Variants in NFATC1 observed in about 807,000 individuals in gnomAD.
NFATC1 encodes the protein nuclear factor of activated T cells 1.
In NFATC1, 22 loss-of-function variants were observed where a neutral mutation model predicts 76.0. The ratio of observed to expected loss-of-function variants is 0.29; its 90% CI spans 0.21 to 0.41. The LOEUF is 0.41. Among genes scored for constraint, NFATC1 ranks in the 10% least tolerant of loss-of-function variants. NFATC1 has a pLI of 1.00. For synonymous variants in NFATC1, 704 were observed against 613.1 expected (o/e 1.15, Z -2.19); for missense variants, 1,357 against 1,337.7 (o/e 1.01, Z -0.23).
Position 79,464,686 on chromosome 18 carries a change from A to ATATATACACACATG in NFATC1, c.1960-2758_1960-2757insCACACATGTATATA, listed in dbSNP as rs1600815774. Among the ~76,000 whole-genome samples, 86 of 111,488 alleles carry ATATATACACACATG rather than the reference A, an allele frequency of 7.7e-4. 5 individuals carry two copies. The highest frequency in any genetic ancestry group is 3.4e-3 in the African/African-American group (75 of 21,804). The allele number at this position is 111,488 out of a possible 152,430, so 73.1% of individuals were successfully genotyped here. The stretch of plus-strand genomic sequence containing the variant: ...TGTGTGTGTGTATATGTATGTGTAT[A>ATATATACACACATG]TATATATATTTATTTATTTATTTAT... On this transcript the variant is annotated intron_variant, in intron 7 of 9. Coordinates refer to ENST00000427363, the MANE Select transcript of NFATC1 (RefSeq NM_001278669.2).
intron 2 of NFATC1, among the ~76,000 whole-genome samples, chr18:79,424,608 C>CGTCTGTCTCTCTGTCTCTCT (rs2086220291): frequency 7.9e-6 from 1 of 126,540 alleles, no homozygotes; most frequent in African/African-American, 3.0e-5. Flanking sequence ...TCTGTCTCTC[C>CGTCTGTCTCTCTGTCTCTCT]GTCTGTCTCT....
At chr18:79,474,894 A>C (rs1406356684) in intron 8 of NFATC1, among the ~76,000 whole-genome samples, 1 of 136,666 alleles carries the variant, frequency 7.3e-6, no homozygotes, top group Non-Finnish European at 1.6e-5. Context: ...TCGACGTTGT[A>C]AACCTGAGGG....
intron 8 of NFATC1, among the ~76,000 whole-genome samples, chr18:79,472,107 C>T (rs1241318661): frequency 1.3e-5 from 2 of 152,146 alleles, no homozygotes; most frequent in East Asian, 1.9e-4. Flanking sequence ...CTTGGGTCCA[C>T]CCCAGCGATC....
At chr18:79,474,142 T>C (rs1475253381) in intron 8 of NFATC1, among the ~76,000 whole-genome samples, 3 of 100,592 alleles carry the variant, frequency 3.0e-5, no homozygotes, top group Non-Finnish European at 3.6e-5. Flanking sequence ...CTGTCGACGT[T>C]GTAAACCTGA....
At chr18:79,491,740 G>T (rs11877801) in intron 9 of NFATC1, among the ~76,000 whole-genome samples, 2,619 of 152,308 alleles carry the variant, frequency 0.017, 84 homozygotes, top group African/African-American at 0.06. Context: ...CCAGCCCTCT[G>T]CGAACCAAGC....
intron 9 of NFATC1, among the ~76,000 whole-genome samples, chr18:79,519,735 T>G (rs1298408756): frequency 6.6e-6 from 1 of 152,196 alleles, no homozygotes; most frequent in East Asian, 1.9e-4. Context: ...ATGTTTAAAT[T>G]TTTATTCTCA....
chr18:79,528,158 T>C lies in NFATC1; in HGVS notation c.*581T>C, dbSNP rs1569062791. On this transcript the variant is annotated 3_prime_UTR_variant, in exon 10 of 10. Coordinates refer to ENST00000427363, the MANE Select transcript of NFATC1 (RefSeq NM_001278669.2). Reference sequence around the variant, plus strand: ...CACTCCTGCTGCCTTACACAGTGCATTTTAGAATCTTCCAGTCTGTCATCT... The same window carrying C: ...CACTCCTGCTGCCTTACACAGTGCACTTTAGAATCTTCCAGTCTGTCATCT... The C allele has an allele frequency of 2.6e-6, 1 of 387,072 alleles. No homozygotes were observed. The highest frequency in any genetic ancestry group is 4.6e-6 in the Non-Finnish European group (1 of 219,402). The allele number at this position is 387,072 out of a possible 1,614,324, so 24.0% of individuals were successfully genotyped here.
chr18:79,448,509 T>C (rs73494235), intron 3 of NFATC1: 66,820 of 482,356 alleles, frequency 0.14, 5,697 homozygotes, highest in African/African-American at 0.24. Flanking sequence ...CCAGCTTCAC[T>C]GTGGCCTCAG....
intron 7 of NFATC1, among the ~76,000 whole-genome samples, chr18:79,466,946 C>T (rs1025254877): frequency 1.3e-5 from 2 of 152,234 alleles, no homozygotes; most frequent in African/African-American, 2.4e-5. Context: ...CCTTTGGCAT[C>T]AGAGCAGGCA....
chr18:79,453,516 C>A (rs535263360), intron 6 of NFATC1, among the ~76,000 whole-genome samples: 59 of 152,366 alleles, frequency 3.9e-4, no homozygotes, highest in African/African-American at 1.2e-3. Context: ...TTCATCATCA[C>A]TGTGAGCTGT....
At position 79,519,481 on chromosome 18, in the gene NFATC1, C is replaced by T. The variant is rs2090461766; in HGVS notation, c.2783-8047C>T. On this transcript the variant is annotated intron_variant, in intron 9 of 9. Coordinates refer to ENST00000427363, the MANE Select transcript of NFATC1 (RefSeq NM_001278669.2). Reference sequence around the variant, plus strand: ...CCAAGTAGCTGGGACCACAGGTGCACACCACCATGTCTGGCTAATTTTTAC... The same window carrying T: ...CCAAGTAGCTGGGACCACAGGTGCATACCACCATGTCTGGCTAATTTTTAC... Among the ~76,000 whole-genome samples, 3 of 152,118 alleles carry T rather than the reference C, an allele frequency of 2.0e-5. No individual in the cohort carries two copies. In the South Asian group the frequency reaches 6.2e-4, roughly 32 times the overall value.
Position 79,528,165 on chromosome 18 carries a change from A to G in NFATC1, c.*588A>G, listed in dbSNP as rs1002541492. The G allele has an allele frequency of 2.6e-6, 1 of 382,810 alleles. No homozygotes were observed. The highest frequency in any genetic ancestry group is 4.5e-5 in the Admixed American group (1 of 22,166). 23.7% of individuals were successfully genotyped at this position (382,810 alleles called of 1,614,324 possible). A position where few individuals can be genotyped will look rare whatever the true frequency, so the allele number is the denominator to read the frequency against. On this transcript the variant is annotated 3_prime_UTR_variant, in exon 10 of 10. Transcript: ENST00000427363. ...GCTGCCTTACACAGTGCATTTTAGA[A>G]TCTTCCAGTCTGTCATCTCAGCTCT...
chr18:79,489,937 G>T (rs564574511), intron 9 of NFATC1, among the ~76,000 whole-genome samples: 1 of 152,346 alleles, frequency 6.6e-6, no homozygotes, highest in East Asian at 1.9e-4. Flanking sequence ...TGAGATACCT[G>T]TGCAGACACC....
intron 9 of NFATC1, among the ~76,000 whole-genome samples, chr18:79,504,118 C>T (rs2090072675): frequency 6.6e-6 from 1 of 152,112 alleles, no homozygotes; most frequent in Non-Finnish European, 1.5e-5. Context: ...GCCCTCTTAT[C>T]ATCGGTGTTG....
In NFATC1 at chr18:79,397,263, A is replaced by G. The variant is rs145606377; in HGVS notation, c.127+912A>G. On this transcript the variant is annotated intron_variant, in intron 1 of 9. Transcript: ENST00000427363. ...TTGCAATGCTAATGGAAATTGGAAG[A>G]CGCTTTTCCAAATTCCTTACCAGCT... Among the ~76,000 whole-genome samples the G allele has an allele frequency of 7.6e-4, 116 of 152,344 alleles. 1 individual carries two copies. The highest frequency in any genetic ancestry group is 2.6e-3 in the African/African-American group (110 of 41,572).
intron 1 of NFATC1, among the ~76,000 whole-genome samples, chr18:79,402,160 G>A (rs1286866316): frequency 5.3e-5 from 8 of 152,132 alleles, no homozygotes; most frequent in African/African-American, 9.7e-5. Flanking sequence ...GAAGGACACC[G>A]CCGGCGGCGG....
chr18:79,508,860 C>G (rs570583998), intron 9 of NFATC1, among the ~76,000 whole-genome samples: 36 of 151,114 alleles, frequency 2.4e-4, no homozygotes, highest in African/African-American at 8.4e-4. Flanking sequence ...CTCTCTCCCT[C>G]TGTCTCTGCC....
At chr18:79,429,404 C>T (rs2086511297) in intron 2 of NFATC1, among the ~76,000 whole-genome samples, 1 of 151,814 alleles carries the variant, frequency 6.6e-6, no homozygotes, top group Non-Finnish European at 1.5e-5. Flanking sequence ...TTGAGTGTCA[C>T]TTTTTTAAAA....
intron 1 of NFATC1, chr18:79,400,260 G>A: frequency 8.5e-7 from 1 of 1,171,758 alleles, no homozygotes; most frequent in Non-Finnish European, 1.1e-6. Flanking sequence ...CGCCCCGGGG[G>A]GCGGGGGCGG....
Sources: gnomAD v4.1 joint callset for allele counts (sites outside exome capture counted in the v4.1 genomes callset) on GRCh38, gnomAD v4.1.1 for gene constraint, MANE v1.5 for transcripts, NCBI Gene and HGNC (gene_info 2026-07-23, HGNC 2026-07-21) for gene names.